Variants in DIPK2B observed in about 807,000 individuals in gnomAD.
DIPK2B encodes divergent protein kinase domain 2B.
DIPK2B carries 15 observed loss-of-function variants against 22.2 expected under a neutral mutation model. The ratio of observed to expected loss-of-function variants is 0.68; its 90% CI spans 0.45 to 1.04. DIPK2B has a LOEUF of 1.04. Among genes scored for constraint, DIPK2B ranks in the 50% least tolerant of loss-of-function variants. The probability of loss-of-function intolerance (pLI) is 0.00; values close to 1 mark genes in which losing one functional copy is unlikely to be tolerated. For missense variants in DIPK2B, 345 were observed against 348.3 expected (o/e 0.99, Z 0.08); for synonymous variants, 163 against 153.2 (o/e 1.06, Z -0.47).
rs1476993884 is a variant in DIPK2B, at chrX:45,153,891, C to A, written c.961+19G>T. Reference sequence around the variant, plus strand: ...GACTTTCCCTCTGACAGCTGCTCAGCCAGGCCCATGCTGAGTACCTTCCTG... The same window carrying A: ...GACTTTCCCTCTGACAGCTGCTCAGACAGGCCCATGCTGAGTACCTTCCTG... On this transcript the variant is annotated intron_variant, in intron 4 of 4. Transcript: ENST00000398000. 1 of 1,198,891 alleles carries A rather than the reference C, an allele frequency of 8.3e-7. No homozygotes were observed. The highest frequency in any genetic ancestry group is 1.7e-5 in the African/African-American group (1 of 57,533).
intron 2 of DIPK2B, chrX:45,163,768 G>C: frequency 1.3e-6 from 1 of 762,606 alleles, no homozygotes; most frequent in Non-Finnish European, 1.6e-6. Flanking sequence ...CTTCAGACCA[G>C]ACCAAAATTT....
chrX:45,158,584 C>A (rs2047007832), intron 2 of DIPK2B, among the ~76,000 whole-genome samples: 1 of 109,968 alleles, frequency 9.1e-6, no homozygotes, highest in Non-Finnish European at 1.9e-5. Context: ...GACTTTCTAG[C>A]CAGCCCCTAC....
chrX:45,160,006 T>C (rs1474442232), intron 2 of DIPK2B, among the ~76,000 whole-genome samples: 1 of 110,160 alleles, frequency 9.1e-6, no homozygotes, highest in African/African-American at 3.3e-5. Flanking sequence ...AGGTGGGGCC[T>C]GGTGGGAGGT....
chrX:45,157,855 G>C lies in DIPK2B; in HGVS notation c.532C>G (p.Gln178Glu). ...CTGACCACGCGATCCAGGAGTCGCTGCGAAGGGCAGCGCAGGAGCGGGCTG... is the reference window on the plus strand; with the variant it reads ...CTGACCACGCGATCCAGGAGTCGCTCCGAAGGGCAGCGCAGGAGCGGGCTG... ...LASPLLRCPS[Q>E]RLLDRVVRRY... is the part of the protein sequence containing the mutation. The change falls in exon 3 of 5, where the codon CAG (glutamine) becomes GAG (glutamate). Residue 178 changes from glutamine to glutamate, a missense_variant. Coordinates refer to ENST00000398000, the MANE Select transcript of DIPK2B (RefSeq NM_176819.4). The C allele has an allele frequency of 8.6e-7, 1 of 1,164,088 alleles. No homozygotes were observed. The highest frequency in any genetic ancestry group is 1.1e-6 in the Non-Finnish European group (1 of 871,769).
intron 3 of DIPK2B, among the ~76,000 whole-genome samples, chrX:45,156,070 G>A (rs1220307273): frequency 9.8e-6 from 1 of 101,971 alleles, no homozygotes; most frequent in Non-Finnish European, 2.0e-5. Context: ...GGGTTCAAGC[G>A]ATTCTCCTGC....
chrX:45,197,204 TGA>T (rs991298422), intron 1 of DIPK2B, among the ~76,000 whole-genome samples: 1 of 109,811 alleles, frequency 9.1e-6, no homozygotes, highest in Non-Finnish European at 1.9e-5. Flanking sequence ...TTTTTTTTTT[TGA>T]GAGAGAGTCT....
At chrX:45,187,806 C>T (rs2047191808) in intron 2 of DIPK2B, among the ~76,000 whole-genome samples, 1 of 110,815 alleles carries the variant, frequency 9.0e-6, no homozygotes, top group Non-Finnish European at 1.9e-5. Context: ...TTTTTTTTCT[C>T]CTCTCATCTC....
intron 2 of DIPK2B, among the ~76,000 whole-genome samples, chrX:45,158,556 C>CTT (rs200169453): frequency 9.4e-6 from 1 of 106,540 alleles, no homozygotes; most frequent in Non-Finnish European, 1.9e-5. Flanking sequence ...CGAACCTAGG[C>CTT]TTTTTTTTTT....
Position 45,154,331 on chromosome X carries a change from A to C in DIPK2B, c.673-133T>G, listed in dbSNP as rs372450581. 240 of 537,349 alleles carry C rather than the reference A, an allele frequency of 4.5e-4. 1 individual carries two copies. The African/African-American group carries it at 4.9e-3, about 11-fold the overall frequency. The allele number at this position is 537,349 out of a possible 1,213,427, so 44.3% of individuals were successfully genotyped here. On this transcript the variant is annotated intron_variant, in intron 3 of 4. Coordinates refer to ENST00000398000, the MANE Select transcript of DIPK2B (RefSeq NM_176819.4). ...TCTATCTATCTATCTGTCTATCTAT[A>C]TCAATCATCTATATCTATCATCTAT...
At chrX:45,155,247 G>A (rs1035890948) in intron 3 of DIPK2B, among the ~76,000 whole-genome samples, 2 of 104,267 alleles carry the variant, frequency 1.9e-5, no homozygotes, top group Admixed American at 1.0e-4. Context: ...ACATGGCATA[G>A]CCTTGTCTCT....
At chrX:45,167,354 C>T (rs1306456735) in intron 2 of DIPK2B, among the ~76,000 whole-genome samples, 1 of 109,295 alleles carries the variant, frequency 9.1e-6, no homozygotes, top group Non-Finnish European at 1.9e-5. Context: ...AGCTGGGCAT[C>T]GTGGTGCCAC....
chrX:45,157,889 C>CT lies in DIPK2B; in HGVS notation c.499-2dup, dbSNP rs1162071821. 8.8e-7 allele frequency: 1 copy of CT among 1,135,562 alleles called. No individual in the cohort carries two copies. The highest frequency in any genetic ancestry group is 2.0e-5 in the South Asian group (1 of 50,272). The allele number at this position is 1,135,562 out of a possible 1,213,427, so 93.6% of individuals were successfully genotyped here. A position where few individuals can be genotyped will look rare whatever the true frequency, so the allele number is the denominator to read the frequency against. ...AGCGCAGGAGCGGGCTGGCCAGGCCCTACGCGCAGGTGGGAGAGAGGCGGG... is the reference window on the plus strand; with the variant it reads ...AGCGCAGGAGCGGGCTGGCCAGGCCCTTACGCGCAGGTGGGAGAGAGGCGGG... On this transcript the variant is annotated splice_acceptor_variant, in intron 2 of 4. Transcript: ENST00000398000. LOFTEE classifies it high-confidence loss of function.
chrX:45,173,393 A>C (rs1429406206), intron 2 of DIPK2B, among the ~76,000 whole-genome samples: 4 of 110,678 alleles, frequency 3.6e-5, no homozygotes, highest in Non-Finnish European at 7.6e-5. Flanking sequence ...GCTCTCCAGC[A>C]GATGGACATA....
At chrX:45,163,075 T>C (rs931140420) in intron 2 of DIPK2B, 21 of 329,252 alleles carry the variant, frequency 6.4e-5, no homozygotes, top group African/African-American at 5.4e-4. Flanking sequence ...AGGCATTTCA[T>C]AGATGTGATT....
At chrX:45,186,988 C>G (rs1389344387) in intron 2 of DIPK2B, among the ~76,000 whole-genome samples, 1 of 112,688 alleles carries the variant, frequency 8.9e-6, no homozygotes, top group Non-Finnish European at 1.9e-5. Flanking sequence ...TGCTGATTTC[C>G]CTTATTCTAT....
intron 2 of DIPK2B, among the ~76,000 whole-genome samples, chrX:45,173,946 G>A (rs1313441001): frequency 9.0e-6 from 1 of 111,222 alleles, no homozygotes; most frequent in Non-Finnish European, 1.9e-5. Flanking sequence ...CACCCTGGGT[G>A]CCTTCATGAG....
chrX:45,198,061 G>A (rs1025158362), intron 1 of DIPK2B, among the ~76,000 whole-genome samples: 1 of 112,331 alleles, frequency 8.9e-6, no homozygotes, highest in African/African-American at 3.2e-5. Context: ...AAAGTGTGTG[G>A]AAGATCATTT....
At chrX:45,170,566 G>C (rs1054733240) in intron 2 of DIPK2B, among the ~76,000 whole-genome samples, 1 of 112,618 alleles carries the variant, frequency 8.9e-6, no homozygotes, top group Non-Finnish European at 1.9e-5. Flanking sequence ...AACTCCAAGA[G>C]AGCAGGAACT....
intron 1 of DIPK2B, among the ~76,000 whole-genome samples, chrX:45,197,472 G>A (rs772617546): frequency 1.8e-5 from 2 of 111,500 alleles, no homozygotes; most frequent in East Asian, 2.8e-4. Flanking sequence ...TCCTGACCTC[G>A]TGATTTGCCC....
Sources: gnomAD v4.1 joint callset for allele counts (sites outside exome capture counted in the v4.1 genomes callset) on GRCh38, gnomAD v4.1.1 for gene constraint, MANE v1.5 for transcripts, NCBI Gene and HGNC (gene_info 2026-07-23, HGNC 2026-07-21) for gene names.